DLEC1: variants seen among roughly 807,000 people sequenced by gnomAD.
DLEC1 encodes the protein deleted in lung and esophageal cancer protein 1.
Under a neutral mutation model 198.1 loss-of-function variants are expected in DLEC1, and 146 were observed. That is an observed-to-expected ratio of 0.74 (90% CI 0.64 to 0.85). DLEC1 has a LOEUF of 0.85. Ranked by LOEUF, DLEC1 falls within the 40% of genes least tolerant of loss-of-function variation. The pLI is 0.00. For synonymous variants in DLEC1, 897 were observed against 866.8 expected (o/e 1.03, Z -0.61); for missense variants, 2,233 against 2,220.0 (o/e 1.01, Z -0.12).
At chr3:38,088,429 G>C in intron 10 of DLEC1, 41 bp downstream of exon 10, 2 of 1,561,978 alleles carry the variant, frequency 1.3e-6, no homozygotes, top group South Asian at 1.1e-5. Flanking sequence ...TCAACTGCTT[G>C]CATGCTTGCA....
In DLEC1 at chr3:38,115,029, C is replaced by T. The variant is rs2073713; in HGVS notation, c.3832C>T (p.Arg1278Cys). The T allele has an allele frequency of 3.8e-5, 62 of 1,613,884 alleles. No individual in the cohort carries two copies. The South Asian group carries it at 4.1e-4, about 11-fold the overall frequency. ...SGGDTVTRTL[R>C]LNNSSPCDIR... ...AGGAGACACAGTTACCCGAACCCTT[C>T]GCCTGAATAACTCCAGCCCCTGTGG... Residue 1278 changes from arginine (R) to cysteine (C), a missense_variant, in exon 27 of 37, where the codon CGC (arginine) becomes TGC (cysteine). Transcript: ENST00000308059.
intron 2 of DLEC1, among the ~76,000 whole-genome samples, chr3:38,048,196 C>G (rs912660557): frequency 6.6e-6 from 1 of 152,202 alleles, no homozygotes. Flanking sequence ...ATGTTCCAGG[C>G]CATCTTGGGT....
chr3:38,063,907 T>C lies in DLEC1; in HGVS notation c.1161T>C (p.Gly387=). 1 of 1,612,610 alleles carries C rather than the reference T, an allele frequency of 6.2e-7. No individual in the cohort carries two copies. Among genetic ancestry groups the C allele is most frequent in the Non-Finnish European group, 8.5e-7 (1 of 1,178,934 alleles). Residue 387 remains glycine (G), a synonymous_variant, in exon 6 of 37, where the codon GGT becomes GGC. Transcript: ENST00000308059. ...GGTTTTTCACAGATTATGAAATTGG[T>C]CCAGTTTATGAGGTAGACATCTTGT... is the stretch of plus-strand genomic sequence containing the variant. ...PIGFFTDYEI[G]PVYEMVIALQ... is the part of the protein sequence containing the mutation.
chr3:38,045,414 T>G, intron 1 of DLEC1, 129 bp from the exon 2 acceptor site: 7 of 1,245,938 alleles, frequency 5.6e-6, no homozygotes, highest in African/African-American at 1.5e-5. Context: ...TCAGACCAGA[T>G]GGTTGGAATA....
intron 34 of DLEC1, among the ~76,000 whole-genome samples, chr3:38,121,075 G>T (rs1475820220): frequency 1.3e-5 from 2 of 152,214 alleles, no homozygotes; most frequent in Non-Finnish European, 2.9e-5. Flanking sequence ...CTAGTAAGGA[G>T]TGTGAAGGAG....
rs753919121 is a variant in DLEC1, at chr3:38,116,468, G to A, written c.3872G>A (p.Trp1291Ter). Reference sequence around the variant, plus strand: ...TCTGCCCCAGACATCCGCCTGGATTGGGAGACCTATGTTCCAGAAGACAAG... The same window carrying A: ...TCTGCCCCAGACATCCGCCTGGATTAGGAGACCTATGTTCCAGAAGACAAG... ...NSSPCDIRLD[W>*]ETYVPEDKED... Residue 1291 changes from tryptophan to a stop codon, truncating the protein, a stop_gained, in exon 28 of 37, where the codon TGG becomes TAG. Coordinates refer to ENST00000308059, the MANE Select transcript of DLEC1 (RefSeq NM_007335.4). LOFTEE classifies it high-confidence loss of function. 3.7e-6 allele frequency: 6 copies of A among 1,613,930 alleles called. No homozygotes were observed. The Admixed American group carries it at 5.0e-5, about 13-fold the overall frequency.
intron 34 of DLEC1, among the ~76,000 whole-genome samples, chr3:38,120,985 G>A (rs994914186): frequency 7.9e-5 from 12 of 152,188 alleles, no homozygotes; most frequent in African/African-American, 2.7e-4. Flanking sequence ...ACAGCCCTGG[G>A]GCTTGCCAGG....
chr3:38,058,098 G>A (rs1039882282), intron 2 of DLEC1, among the ~76,000 whole-genome samples: 7 of 151,950 alleles, frequency 4.6e-5, no homozygotes, highest in Non-Finnish European at 8.8e-5. Flanking sequence ...CACCGTGCCC[G>A]GCCCACTGTA....
rs527482929 is a variant in DLEC1, at chr3:38,112,235, C to T, written c.3540C>T (p.His1180=). 103 of 1,614,166 alleles carry T rather than the reference C, an allele frequency of 6.4e-5. No homozygotes were observed. The highest frequency in any genetic ancestry group is 2.9e-4 in the East Asian group (13 of 44,888). ...ATTTTATGGAGAGCATGCTATCCCA[C>T]GGGAAAGGAGCTGCTTTCTTCCCTC... The part of the protein sequence containing the change: ...QLDFMESMLS[H]GKGAAFFPHF... Residue 1180 remains histidine, a synonymous_variant, in exon 25 of 37, where the codon CAC becomes CAT. Coordinates refer to ENST00000308059, the MANE Select transcript of DLEC1 (RefSeq NM_007335.4). The surrounding 1 kb of genome is among the most constrained non-coding windows in gnomAD (Gnocchi z 4.8).
chr3:38,103,483 T>C (rs1575208361), intron 19 of DLEC1: 1 of 152,292 alleles, frequency 6.6e-6, no homozygotes, highest in East Asian at 1.9e-4. Context: ...TCTCCTATTT[T>C]CTTTTCCTTG....
chr3:38,120,887 A>G (rs1432880958), intron 34 of DLEC1, among the ~76,000 whole-genome samples: 1 of 152,218 alleles, frequency 6.6e-6, no homozygotes, highest in Non-Finnish European at 1.5e-5. Flanking sequence ...CCTGAACACC[A>G]TTTAATCAAG....
chr3:38,124,018 A>T lies in DLEC1; in HGVS notation c.*1606A>T, dbSNP rs1297758429. The stretch of plus-strand genomic sequence containing the variant: ...GGAGTGAGATTCCATGTCAAAAAAA[A>T]AAAAAAATGTACATTTTTAAAAGGG... On this transcript the variant is annotated 3_prime_UTR_variant, in exon 37 of 37. Transcript: ENST00000308059. The T allele has an allele frequency of 2.0e-5, 3 of 152,152 alleles. No homozygotes were observed. The highest frequency in any genetic ancestry group is 2.0e-4 in the Admixed American group (3 of 15,282). 9.4% of individuals were successfully genotyped at this position (152,152 alleles called of 1,614,324 possible). A position where few individuals can be genotyped will look rare whatever the true frequency, so the allele number is the denominator to read the frequency against.
intron 1 of DLEC1, among the ~76,000 whole-genome samples, chr3:38,045,290 C>G (rs143544781): frequency 2.2e-3 from 328 of 152,240 alleles, no homozygotes; most frequent in African/African-American, 4.7e-3. Context: ...GATGGCAGCT[C>G]TCTTTATTGT....
chr3:38,054,061 G>A (rs1489356863), intron 2 of DLEC1, among the ~76,000 whole-genome samples: 7 of 152,022 alleles, frequency 4.6e-5, no homozygotes, highest in Admixed American at 1.3e-4. Context: ...CACTGCGGAA[G>A]GCCGCAGGGT....
intron 2 of DLEC1, among the ~76,000 whole-genome samples, chr3:38,056,062 TACACACAC>T (rs57610638): frequency 0.044 from 5,247 of 120,426 alleles, 198 homozygotes; most frequent in African/African-American, 0.12. Context: ...CTACAAAAAA[TACACACAC>T]ACACACACAC....
intron 6 of DLEC1, among the ~76,000 whole-genome samples, chr3:38,071,389 TGAGAG>T (rs1467472167): frequency 6.6e-6 from 1 of 152,140 alleles, no homozygotes; most frequent in Non-Finnish European, 1.5e-5. Flanking sequence ...GGAAAGGAAA[TGAGAG>T]GTTCTAAGAG....
At chr3:38,104,761 CT>C (rs1247624865) in intron 19 of DLEC1, among the ~76,000 whole-genome samples, 4 of 152,030 alleles carry the variant, frequency 2.6e-5, no homozygotes, top group African/African-American at 9.7e-5. Context: ...TGTTGATTTT[CT>C]GTAATGTTTT....
At position 38,045,616 on chromosome 3, in the gene DLEC1, G is replaced by A. The variant is rs1433963075; in HGVS notation, c.485G>A (p.Arg162Gln). The change falls in exon 2 of 37, where the codon CGG (arginine) becomes CAG (glutamine). Residue 162 changes from arginine to glutamine, a missense_variant. Coordinates refer to ENST00000308059, the MANE Select transcript of DLEC1 (RefSeq NM_007335.4). ...AGACATATCACTCAGGCCCAAGCAC[G>A]GGCTATTGCGGAAAATGAGCGGGTC... ...LERHITQAQA[R>Q]AIAENERVMS... 1.7e-5 allele frequency: 27 copies of A among 1,613,970 alleles called. No homozygotes were observed. In the Middle Eastern group the frequency reaches 4.9e-4, roughly 29 times the overall value.
intron 2 of DLEC1, among the ~76,000 whole-genome samples, chr3:38,048,250 G>A (rs1405132661): frequency 2.0e-5 from 3 of 152,136 alleles, no homozygotes; most frequent in Admixed American, 6.5e-5. Context: ...TTCAAGAAAC[G>A]CTGATTCCTT....
Sources: gnomAD v4.1 joint callset for allele counts (sites outside exome capture counted in the v4.1 genomes callset) on GRCh38, gnomAD v4.1.1 for gene constraint, Gnocchi (gnomAD v3.1) non-coding constraint, MANE v1.5 for transcripts, NCBI Gene and HGNC (gene_info 2026-07-23, HGNC 2026-07-21) for gene names.